ALG12: variants seen among roughly 807,000 people sequenced by gnomAD.
The protein encoded by ALG12 is ALG12 alpha-1,6-mannosyltransferase.
Under a neutral mutation model 46.0 loss-of-function variants are expected in ALG12, and 36 were observed. That is an observed-to-expected ratio of 0.78 (90% CI 0.60 to 1.03). The LOEUF (loss-of-function observed/expected upper bound fraction) is 1.03, where lower values mean the gene tolerates loss of function less well. Among genes scored for constraint, ALG12 ranks in the 50% least tolerant of loss-of-function variants. The pLI, the probability that ALG12 is intolerant of heterozygous loss-of-function variation, is 0.00. For synonymous variants in ALG12, 326 were observed against 291.6 expected, an observed-to-expected ratio of 1.12 and a Z score of -1.20; for missense variants, 599 against 633.5, an observed-to-expected ratio of 0.95 and a Z score of 0.58.
chr22:49,868,052 C>A, the ALG12 span, among the ~76,000 whole-genome samples: 1 of 152,202 alleles, frequency 6.6e-6, no homozygotes, highest in Admixed American at 6.5e-5. Context: ...TTCACACCAT[C>A]GTAAAGTTGC....
chr22:49,913,428 C>T lies in ALG12; in HGVS notation c.252G>A (p.Val84=). The change falls in exon 3 of 10, where the codon GTG becomes GTA. Residue 84 remains valine, a synonymous_variant. Coordinates refer to ENST00000330817, the MANE Select transcript of ALG12 (RefSeq NM_024105.4). ...IAVFSSPAVY[V]LSLLEMSKFY... ...ACTTGGACATTTCTAACAGCGAAAG[C>T]ACGTAAACCGCGGGGCTGGAGAACA... 1 of 1,614,010 alleles carries T rather than the reference C, an allele frequency of 6.2e-7. No homozygotes were observed. Among genetic ancestry groups the T allele is most frequent in the Non-Finnish European group, 8.5e-7 (1 of 1,180,040 alleles).
chr22:49,880,197 A>G, the ALG12 span, among the ~76,000 whole-genome samples: 9 of 151,564 alleles, frequency 5.9e-5, no homozygotes, highest in African/African-American at 2.4e-5. Flanking sequence ...TGTGAAGCCC[A>G]CTGTTCAGTC....
At chr22:49,895,690 GTT>G (rs1392892996), downstream of ALG12, among the ~76,000 whole-genome samples, 1 of 151,720 alleles carries the variant, frequency 6.6e-6, no homozygotes, top group Non-Finnish European at 1.5e-5. Context: ...TGTAAGGAGA[GTT>G]TGTATCCTTG....
chr22:49,886,757 A>T, the ALG12 span: 1 of 1,612,614 alleles, frequency 6.2e-7, no homozygotes, highest in Non-Finnish European at 8.5e-7. This position sits in a 1 kb window ranked among gnomAD's most constrained non-coding sequence, Gnocchi z 7.7. Context: ...TTAATCAGGG[A>T]ACTCGAACTC....
rs1275647013 is a variant in ALG12, at chr22:49,905,597, C to G, written c.993-1091G>C. 6.6e-6 allele frequency among the ~76,000 whole-genome samples: 1 copy of G among 152,214 alleles called. No homozygotes were observed. Among genetic ancestry groups the G allele is most frequent in the African/African-American group, 2.4e-5 (1 of 41,456 alleles). ...CCCGTCCCTCTTCGTCCTGCTTTGG[C>G]CACATAAAAGCGTGCCCGCTTCCCT... On this transcript the variant is annotated intron_variant, in intron 7 of 9. Transcript: ENST00000330817. The surrounding 1 kb of genome is among the most constrained non-coding windows in gnomAD (Gnocchi z 4.9).
the ALG12 span, among the ~76,000 whole-genome samples, chr22:49,881,309 G>A: frequency 2.0e-5 from 3 of 152,252 alleles, no homozygotes; most frequent in Admixed American, 6.5e-5. Flanking sequence ...AGATCGTGCC[G>A]CTGCACACTG....
chr22:49,867,466 C>G, the ALG12 span, among the ~76,000 whole-genome samples: 27 of 152,236 alleles, frequency 1.8e-4, no homozygotes, highest in African/African-American at 6.5e-4. Context: ...GACTTTCTGT[C>G]TAGTTCTGGG....
the ALG12 span, among the ~76,000 whole-genome samples, chr22:49,875,288 C>G: frequency 6.6e-6 from 1 of 150,906 alleles, no homozygotes; most frequent in Non-Finnish European, 1.5e-5. Context: ...CTGGGAGTTT[C>G]TCTGTGGGAA....
At position 49,910,430 on chromosome 22, in the gene ALG12, G is replaced by C; in HGVS notation, c.469+4C>G. 6.2e-7 allele frequency: 1 copy of C among 1,613,268 alleles called. No individual in the cohort carries two copies. The highest frequency in any genetic ancestry group is 8.5e-7 in the Non-Finnish European group (1 of 1,179,844). On this transcript the variant is annotated splice_donor_region_variant and intron_variant, in intron 4 of 9. Coordinates refer to ENST00000330817, the MANE Select transcript of ALG12 (RefSeq NM_024105.4). ...GTGTGCAGGCCCGGCCGGCAGCTAC[G>C]TACCTACAGGCAGGGCCAGCACATT...
the ALG12 span, chr22:49,886,340 G>A: frequency 1.2e-6 from 2 of 1,605,232 alleles, no homozygotes; most frequent in African/African-American, 1.3e-5. This position sits in a 1 kb window ranked among gnomAD's most constrained non-coding sequence, Gnocchi z 7.7. Flanking sequence ...TCCAAGTGGA[G>A]CACTTCCTTC....
At chr22:49,871,407 C>T in the ALG12 span, among the ~76,000 whole-genome samples, 1 of 152,084 alleles carries the variant, frequency 6.6e-6, no homozygotes, top group East Asian at 2.0e-4. Context: ...AAAGCTTGAA[C>T]TTGGGAGGCG....
downstream of ALG12, among the ~76,000 whole-genome samples, chr22:49,896,641 TTTTA>T (rs1359098354): frequency 6.6e-6 from 1 of 152,200 alleles, no homozygotes; most frequent in Non-Finnish European, 1.5e-5. Flanking sequence ...TTTTATTATT[TTTTA>T]TTTATTTTGA....
chr22:49,910,224 G>A (rs1160444952), intron 4 of ALG12, 136 bp from the exon 5 acceptor site: 1 of 1,193,734 alleles, frequency 8.4e-7, no homozygotes, highest in Non-Finnish European at 1.2e-6. Flanking sequence ...ACTGCTCAGA[G>A]CCGCTCCCCG....
intron 1 of ALG12, among the ~76,000 whole-genome samples, chr22:49,915,354 C>G (rs975920202): frequency 6.6e-5 from 10 of 152,062 alleles, no homozygotes; most frequent in Non-Finnish European, 1.5e-4. Context: ...GTCAGCAGAT[C>G]AAGACCATCC....
At chr22:49,877,729 T>C in the ALG12 span, among the ~76,000 whole-genome samples, 433 of 152,300 alleles carry the variant, frequency 2.8e-3, 11 homozygotes, top group East Asian at 0.047. Context: ...AATCTTCATA[T>C]GGACATGCTT....
chr22:49,885,460 C>T, the ALG12 span: 6 of 1,612,154 alleles, frequency 3.7e-6, no homozygotes, highest in Non-Finnish European at 5.1e-6. Flanking sequence ...TACCAGCTGT[C>T]TTCTGAGACA....
At chr22:49,904,743 T>A (rs920496179) in intron 7 of ALG12, among the ~76,000 whole-genome samples, 1 of 152,124 alleles carries the variant, frequency 6.6e-6, no homozygotes, top group Non-Finnish European at 1.5e-5. Flanking sequence ...GATTTTAAAA[T>A]ATATATATAT....
At chr22:49,911,719 C>A (rs897462081) in intron 3 of ALG12, among the ~76,000 whole-genome samples, 4 of 152,234 alleles carry the variant, frequency 2.6e-5, no homozygotes, top group Admixed American at 6.5e-5. Context: ...CAGGCGTGAG[C>A]CACCATGCCC....
chr22:49,884,299 G>T, the ALG12 span: 1 of 1,613,288 alleles, frequency 6.2e-7, no homozygotes, highest in African/African-American at 1.3e-5. Flanking sequence ...CCAGAAAGTG[G>T]CGTCTAAGAT....
Sources: allele counts gnomAD v4.1 joint callset (sites outside exome capture counted in the v4.1 genomes callset), GRCh38; gene constraint gnomAD v4.1.1; non-coding constraint Gnocchi (gnomAD v3.1); transcripts MANE v1.5; gene names NCBI Gene and HGNC (gene_info 2026-07-23, HGNC 2026-07-21).